ZNF500: variants seen among roughly 807,000 people sequenced by gnomAD.
ZNF500 encodes the protein zinc finger protein with KRAB and SCAN domains 18.
Under a neutral mutation model 30.1 loss-of-function variants are expected in ZNF500, and 31 were observed. The observed-to-expected ratio is 1.03, with a 90% confidence interval of 0.77 to 1.39. The LOEUF (loss-of-function observed/expected upper bound fraction) is 1.39, where lower values mean the gene tolerates loss of function less well. ZNF500 is among the 40% of genes most tolerant of loss of function. The probability of loss-of-function intolerance (pLI) is 0.00; values close to 1 mark genes in which losing one functional copy is unlikely to be tolerated. For synonymous variants in ZNF500, 392 were observed against 282.0 expected (o/e 1.39, Z -3.91); for missense variants, 817 against 657.8 (o/e 1.24, Z -2.65).
At chr16:4,765,489 C>T (rs1254485800) in intron 2 of ZNF500, 76 bp downstream of exon 2, 1 of 1,516,194 alleles carries the variant, frequency 6.6e-7, no homozygotes, top group South Asian at 1.3e-5. Context: ...CACCCAATGA[C>T]CAAGGAATCT....
chr16:4,747,142 G>C, downstream of ZNF500: 1 of 1,219,176 alleles, frequency 8.2e-7, no homozygotes. Flanking sequence ...CCACCGCACA[G>C]GGTGAGGGGG....
At chr16:4,758,358 TG>T (rs1237684068) in intron 5 of ZNF500, 2 of 152,220 alleles carry the variant, frequency 1.3e-5, no homozygotes, top group Admixed American at 1.3e-4. Context: ...TGGACAGAGC[TG>T]GGCAGAATCT....
chr16:4,755,804 C>G (rs1402028697), intron 5 of ZNF500, among the ~76,000 whole-genome samples: 1 of 152,106 alleles, frequency 6.6e-6, no homozygotes, highest in Non-Finnish European at 1.5e-5. Context: ...TGGAAATCAC[C>G]CAAATGTCCA....
chr16:4,751,983 G>A lies in ZNF500; in HGVS notation c.*393C>T. ...ACAGGGTCACAGACACACAGGAGAG[G>A]GGTTGGGACGTGGGGATGAGGCTGT... On this transcript the variant is annotated 3_prime_UTR_variant, in exon 6 of 6. Coordinates refer to ENST00000219478, the MANE Select transcript of ZNF500 (RefSeq NM_021646.4). 2 of 896,616 alleles carry A rather than the reference G, an allele frequency of 2.2e-6. No homozygotes were observed. Among genetic ancestry groups the A allele is most frequent in the Non-Finnish European group, 3.0e-6 (2 of 666,158 alleles). The allele number at this position is 896,616 out of a possible 1,614,324, so 55.5% of individuals were successfully genotyped here.
At chr16:4,764,823 T>C (rs1028423240) in intron 2 of ZNF500, among the ~76,000 whole-genome samples, 1 of 150,652 alleles carries the variant, frequency 6.6e-6, no homozygotes, top group East Asian at 2.0e-4. Flanking sequence ...TAAATGTACA[T>C]AGCTATAATT....
downstream of ZNF500, chr16:4,747,778 GT>G: frequency 1.0e-6 from 1 of 964,886 alleles, no homozygotes; most frequent in Non-Finnish European, 1.5e-6. Flanking sequence ...TGCCCACCCT[GT>G]TAGAGCTCAG....
At chr16:4,745,679 G>A (rs1451884480), downstream of ZNF500, among the ~76,000 whole-genome samples, 1 of 152,202 alleles carries the variant, frequency 6.6e-6, no homozygotes, top group Non-Finnish European at 1.5e-5. Flanking sequence ...GGCTGGGCGC[G>A]GTGGCTCATG....
rs370778830 is a variant in ZNF500 at position 4,753,081 on chromosome 16, T to A, written c.761-23A>T. 6.7e-6 allele frequency: 10 copies of A among 1,502,072 alleles called. No individual in the cohort carries two copies. The African/African-American group carries it at 1.3e-4, about 19-fold the overall frequency. The allele number at this position is 1,502,072 out of a possible 1,614,324, so 93.0% of individuals were successfully genotyped here. A position where few individuals can be genotyped will look rare whatever the true frequency, so the allele number is the denominator to read the frequency against. On this transcript the variant is annotated intron_variant, in intron 5 of 5. Transcript: ENST00000219478. ...GTCCTGAGACAGAGAAAGCACGATC[T>A]CTAGGAACTCACAGCAAGAGGGCAA...
Position 4,748,669 on chromosome 16 carries a change from C to T in ZNF500, c.*3707G>A, listed in dbSNP as rs2082049271. 6.6e-6 allele frequency: 1 copy of T among 152,494 alleles called. No homozygotes were observed. Among genetic ancestry groups the T allele is most frequent in the Non-Finnish European group, 1.5e-5 (1 of 68,248 alleles). The allele number at this position is 152,494 out of a possible 1,614,324, so 9.4% of individuals were successfully genotyped here. A position where few individuals can be genotyped will look rare whatever the true frequency, so the allele number is the denominator to read the frequency against. ...CCGTCTTCACGGGATGCTTTTGTAA[C>T]TGCTGTGATCAGCCCTGACCTGGGC... On this transcript the variant is annotated 3_prime_UTR_variant, in exon 6 of 6. Transcript: ENST00000219478.
Position 4,752,115 on chromosome 16 carries a change from G to C in ZNF500, c.*261C>G. 7.5e-7 allele frequency: 1 copy of C among 1,342,060 alleles called. No homozygotes were observed. Among genetic ancestry groups the C allele is most frequent in the Non-Finnish European group, 9.5e-7 (1 of 1,052,152 alleles). 83.1% of individuals were successfully genotyped at this position (1,342,060 alleles called of 1,614,324 possible). A position where few individuals can be genotyped will look rare whatever the true frequency, so the allele number is the denominator to read the frequency against. ...TGTCGGCTTCTGGCCTCCTGAGTGT[G>C]TCTCTGTGGCTGAAGCCCCTGCTCT... is the stretch of plus-strand genomic sequence containing the variant. On this transcript the variant is annotated 3_prime_UTR_variant, in exon 6 of 6. Coordinates refer to ENST00000219478, the MANE Select transcript of ZNF500 (RefSeq NM_021646.4).
intron 5 of ZNF500, chr16:4,758,590 G>C (rs745429723): frequency 6.6e-6 from 1 of 152,204 alleles, no homozygotes; most frequent in Non-Finnish European, 1.5e-5. Context: ...TGCACCGCAG[G>C]AGGTTGGGCA....
At chr16:4,759,073 G>A (rs1296767283) in intron 5 of ZNF500, among the ~76,000 whole-genome samples, 2 of 121,762 alleles carry the variant, frequency 1.6e-5, no homozygotes, top group South Asian at 6.1e-4. Flanking sequence ...GCCGGGTATG[G>A]TGGCACACAC....
intron 2 of ZNF500, 48 bp from the exon 3 acceptor site, chr16:4,762,804 GA>G: frequency 6.5e-7 from 1 of 1,532,424 alleles, no homozygotes; most frequent in Non-Finnish European, 8.8e-7. Context: ...AGGCCAGAAG[GA>G]AAAATCCCCG....
chr16:4,761,365 G>A (rs550157511), intron 4 of ZNF500, among the ~76,000 whole-genome samples: 102 of 150,934 alleles, frequency 6.8e-4, no homozygotes, highest in Middle Eastern at 6.9e-3. Context: ...GCTTGAACCC[G>A]GGAGCCGGAG....
intron 2 of ZNF500, chr16:4,763,051 A>G: frequency 1.0e-6 from 1 of 985,442 alleles, no homozygotes; most frequent in Non-Finnish European, 1.2e-6. Flanking sequence ...AAGAGCCCTG[A>G]GTCAGCGCTG....
chr16:4,744,423 A>G (rs1320489743), downstream of ZNF500, among the ~76,000 whole-genome samples: 1 of 152,188 alleles, frequency 6.6e-6, no homozygotes, highest in East Asian at 1.9e-4. Context: ...TTTAGCACAG[A>G]ATACACTGCG....
At chr16:4,754,150 G>A (rs139900058) in intron 5 of ZNF500, among the ~76,000 whole-genome samples, 12 of 152,290 alleles carry the variant, frequency 7.9e-5, no homozygotes, top group Non-Finnish European at 1.3e-4. Flanking sequence ...TAGCAGTCCC[G>A]CAAGAGGCTC....
Position 4,752,007 on chromosome 16 carries a change from G to C in ZNF500, c.*369C>G, listed in dbSNP as rs762220491. 17 of 1,142,286 alleles carry C rather than the reference G, an allele frequency of 1.5e-5. No homozygotes were observed. The highest frequency in any genetic ancestry group is 1.8e-5 in the Non-Finnish European group (16 of 891,760). The allele number at this position is 1,142,286 out of a possible 1,614,324, so 70.8% of individuals were successfully genotyped here. A position where few individuals can be genotyped will look rare whatever the true frequency, so the allele number is the denominator to read the frequency against. On this transcript the variant is annotated 3_prime_UTR_variant, in exon 6 of 6. Transcript: ENST00000219478. ...GGGGTTGGGACGTGGGGATGAGGCT[G>C]TATGCCAGCAGCCACTGGATGCTGG...
At position 4,751,502 on chromosome 16, in the gene ZNF500, G is replaced by T; in HGVS notation, c.*874C>A. On this transcript the variant is annotated 3_prime_UTR_variant, in exon 6 of 6. Transcript: ENST00000219478. ...CAGAGCAGCTATGGATCTGCAAAGG[G>T]GACTGGAATGCTGCAGAGCCCCGGG... 1 of 1,425,380 alleles carries T rather than the reference G, an allele frequency of 7.0e-7. No homozygotes were observed. The highest frequency in any genetic ancestry group is 9.4e-7 in the Non-Finnish European group (1 of 1,066,340). 88.3% of individuals were successfully genotyped at this position (1,425,380 alleles called of 1,614,324 possible).
Sources: allele counts gnomAD v4.1 joint callset (sites outside exome capture counted in the v4.1 genomes callset), GRCh38; gene constraint gnomAD v4.1.1; transcripts MANE v1.5; gene names NCBI Gene and HGNC (gene_info 2026-07-23, HGNC 2026-07-21).